SPTAN1: variants seen among roughly 807,000 people sequenced by gnomAD.
The protein encoded by SPTAN1 is spectrin alpha, non-erythrocytic 1, also known as spectrin alpha chain, non-erythrocytic 1.
A neutral mutation model predicts 331.3 loss-of-function variants in SPTAN1; 61 were observed. The ratio of observed to expected loss-of-function variants is 0.18; its 90% CI spans 0.15 to 0.23. The LOEUF (loss-of-function observed/expected upper bound fraction) is 0.23. Ranked by LOEUF, SPTAN1 falls within the 10% of genes least tolerant of loss-of-function variation. SPTAN1 has a pLI of 1.00. For synonymous variants in SPTAN1, 1,153 were observed against 1,173.9 expected, an observed-to-expected ratio of 0.98 and a Z score of 0.36; for missense variants, 2,043 against 3,147.9, an observed-to-expected ratio of 0.65 and a Z score of 8.40.
chr9:128,619,875 C>T (rs1422010467), intron 44 of SPTAN1, among the ~76,000 whole-genome samples: 3 of 152,236 alleles, frequency 2.0e-5, no homozygotes, highest in African/African-American at 7.2e-5. Context: ...TCAGCGGCAT[C>T]TGCAGCTGTC....
At chr9:128,589,290 C>CTTTTTTTTTTTTT (rs1171749676) in intron 21 of SPTAN1, among the ~76,000 whole-genome samples, 2 of 127,000 alleles carry the variant, frequency 1.6e-5, no homozygotes, top group Non-Finnish European at 3.3e-5. Context: ...TTTTTCTTTT[C>CTTTTTTTTTTTTT]TTTTTTTTTT....
chr9:128,592,461 G>C (rs113498810), intron 22 of SPTAN1, among the ~76,000 whole-genome samples: 3,494 of 152,194 alleles, frequency 0.023, 135 homozygotes, highest in African/African-American at 0.08. Context: ...TTTTAGTAGA[G>C]ATGGGGTTTC....
intron 41 of SPTAN1, among the ~76,000 whole-genome samples, chr9:128,616,164 A>G (rs562247339): frequency 2.0e-5 from 3 of 151,968 alleles, no homozygotes; most frequent in African/African-American, 7.2e-5. Context: ...CTTATTCTCT[A>G]TCTGTCCCCG....
At chr9:128,624,891 T>C in intron 46 of SPTAN1, 1 of 631,886 alleles carries the variant, frequency 1.6e-6, no homozygotes. Flanking sequence ...GCAACTGAAC[T>C]AGAAGACGGG....
Position 128,564,922 on chromosome 9 carries a change from G to C in SPTAN1, c.-3-1816G>C, listed in dbSNP as rs1849838652. On this transcript the variant is annotated intron_variant, in intron 1 of 56. Transcript: ENST00000372739. ...AATACTTCTATCCGCCACAAGGGTA[G>C]GGGTCACGGGTGAGAGATAATACCA... Among the ~76,000 whole-genome samples the C allele has an allele frequency of 2.0e-5, 3 of 152,228 alleles. No homozygotes were observed. The South Asian group carries it at 6.2e-4, about 32-fold the overall frequency.
rs1248164710 is a variant in SPTAN1 at position 128,632,726 on chromosome 9, A to T, written c.7160+8A>T. The T allele has an allele frequency of 1.9e-6, 3 of 1,613,884 alleles. No individual in the cohort carries two copies. The East Asian group carries it at 6.7e-5, about 36-fold the overall frequency. ...CACGGTGGATCCGAACAGGTAAATT[A>T]ATTAAGGCCAGGTGCTGTGAGCCTC... On this transcript the variant is annotated splice_region_variant and intron_variant, in intron 55 of 56. Coordinates refer to ENST00000372739, the MANE Select transcript of SPTAN1 (RefSeq NM_001130438.3).
In SPTAN1 at chr9:128,577,626, C is replaced by A; in HGVS notation, c.1085+120C>A. ...AAGTGTCAGGTATCACCTACAAATG[C>A]AAATCACTTCTTACCTATGTTCTCT... is the stretch of plus-strand genomic sequence containing the variant. On this transcript the variant is annotated intron_variant, in intron 8 of 56. Coordinates refer to ENST00000372739, the MANE Select transcript of SPTAN1 (RefSeq NM_001130438.3). The surrounding 1 kb of genome is among the most constrained non-coding windows in gnomAD (Gnocchi z 4.2). 7.6e-7 allele frequency: 1 copy of A among 1,312,502 alleles called. No individual in the cohort carries two copies. 81.3% of individuals were successfully genotyped at this position (1,312,502 alleles called of 1,614,324 possible).
At chr9:128,564,015 G>A (rs1849714548) in intron 1 of SPTAN1, among the ~76,000 whole-genome samples, 1 of 152,000 alleles carries the variant, frequency 6.6e-6, no homozygotes, top group Admixed American at 6.6e-5. Context: ...GCTTACACCT[G>A]TAATCTTAGC....
At chr9:128,555,187 A>T (rs1848492676) in intron 1 of SPTAN1, among the ~76,000 whole-genome samples, 1 of 152,168 alleles carries the variant, frequency 6.6e-6, no homozygotes, top group Non-Finnish European at 1.5e-5. Context: ...CCCTTGTGGG[A>T]TTTAGACGCT....
rs541960678 is a variant in SPTAN1, at chr9:128,570,330, ATTTT to A, written c.363+1454_363+1457del. 5.1e-3 allele frequency among the ~76,000 whole-genome samples: 365 copies of A among 71,770 alleles called. 2 individuals carry two copies. Among genetic ancestry groups the A allele is most frequent in the African/African-American group, 0.02 (338 of 16,976 alleles). The allele number at this position is 71,770 out of a possible 152,430, so 47.1% of individuals were successfully genotyped here. ...TATATATATATATATATATATATAT[ATTTT>A]TTTTTTTTTTTTTTTTTTTTGAGAC... On this transcript the variant is annotated intron_variant, in intron 3 of 56. Transcript: ENST00000372739.
rs759057926 is a variant in SPTAN1 at position 128,576,830 on chromosome 9, A to G, written c.659A>G (p.His220Arg). The G allele has an allele frequency of 6.2e-7, 1 of 1,613,752 alleles. No homozygotes were observed. The highest frequency in any genetic ancestry group is 8.5e-7 in the Non-Finnish European group (1 of 1,180,020). Residue 220 changes from histidine to arginine, a missense_variant, in exon 6 of 57, where the codon CAC (histidine) becomes CGC (arginine). His to Arg is a conservative substitution (Grantham distance 29). Transcript: ENST00000372739. ...QFAAKLIQEQHPEEELIKTKQ... is the reference protein window; with the variant it reads ...QFAAKLIQEQRPEEELIKTKQ... ...CTTCTCTTCCTTGTTTAGGAGCAGC[A>G]CCCTGAGGAGGAACTGATCAAGACT...
intron 17 of SPTAN1, 41 bp from the exon 18 acceptor site, chr9:128,584,680 T>C (rs1251592105): frequency 1.2e-6 from 2 of 1,614,108 alleles, no homozygotes; most frequent in Non-Finnish European, 1.7e-6. Context: ...CTGACTTTTC[T>C]CTTCATGGTT....
At chr9:128,593,219 G>C (rs529205496) in intron 23 of SPTAN1, 177 bp downstream of exon 23, 4 of 701,616 alleles carry the variant, frequency 5.7e-6, no homozygotes, top group Non-Finnish European at 1.0e-5. Context: ...CAGCTGTGTC[G>C]GTCGATGACT....
At position 128,604,392 on chromosome 9, in the gene SPTAN1, G is replaced by A; in HGVS notation, c.3694G>A (p.Ala1232Thr). The change falls in exon 29 of 57, where the codon GCC (alanine) becomes ACC (threonine). Residue 1232 changes from alanine (A) to threonine (T), a missense_variant. Ala to Thr is a moderately conservative substitution (Grantham distance 58). Around this residue, in one of 12 missense-constraint regions of SPTAN1, gnomAD observed 1,038 missense variants for 1,531.5 expected, o/e 0.68. Coordinates refer to ENST00000372739, the MANE Select transcript of SPTAN1 (RefSeq NM_001130438.3). ...GGAACGGAGCCAGCTCTTGGGCAGC[G>A]CCCATGAAGTACAGAGGTTCCACAG... The part of the protein sequence containing the change: ...AEERSQLLGS[A>T]HEVQRFHRDA... 6.2e-7 allele frequency: 1 copy of A among 1,613,762 alleles called. No homozygotes were observed. The highest frequency in any genetic ancestry group is 8.5e-7 in the Non-Finnish European group (1 of 1,179,868).
intron 44 of SPTAN1, 105 bp downstream of exon 44, chr9:128,619,108 G>A: frequency 6.5e-7 from 1 of 1,534,718 alleles, no homozygotes; most frequent in African/African-American, 1.4e-5. Flanking sequence ...TACTAGGAGA[G>A]CACACAGGGC....
At chr9:128,623,347 AGC>A (rs1461854394) in intron 45 of SPTAN1, among the ~76,000 whole-genome samples, 1 of 151,746 alleles carries the variant, frequency 6.6e-6, no homozygotes, top group Non-Finnish European at 1.5e-5. Flanking sequence ...TACAGGAGTG[AGC>A]CACTGCACCC....
intron 45 of SPTAN1, among the ~76,000 whole-genome samples, chr9:128,623,149 G>A (rs547286889): frequency 5.3e-5 from 8 of 150,868 alleles, no homozygotes; most frequent in South Asian, 2.1e-4. Context: ...TCTGCCTCCC[G>A]GGTTTCAGCA....
intron 1 of SPTAN1, among the ~76,000 whole-genome samples, chr9:128,557,892 C>T (rs1424138488): frequency 6.6e-6 from 1 of 150,748 alleles, no homozygotes; most frequent in Admixed American, 6.6e-5. Context: ...CAAGCTCCGC[C>T]TCCCAGGTTC....
chr9:128,600,299 GTGTC>G (rs1854939920), intron 27 of SPTAN1, among the ~76,000 whole-genome samples, 184 bp downstream of exon 27: 2 of 152,302 alleles, frequency 1.3e-5, no homozygotes, highest in South Asian at 4.1e-4. Context: ...CAAAAGCAGA[GTGTC>G]TGTCAAATGC....
Sources: allele counts gnomAD v4.1 joint callset (sites outside exome capture counted in the v4.1 genomes callset), GRCh38; gene constraint gnomAD v4.1.1; regional missense constraint gnomAD v4.1.1; non-coding constraint Gnocchi (gnomAD v3.1); transcripts MANE v1.5; gene names NCBI Gene and HGNC (gene_info 2026-07-23, HGNC 2026-07-21).